Variants in ARHGAP15 observed in about 807,000 individuals in gnomAD.
ARHGAP15 encodes rho GTPase-activating protein 15.
A neutral mutation model predicts 63.7 loss-of-function variants in ARHGAP15; 51 were observed. The ratio of observed to expected loss-of-function variants is 0.80; its 90% confidence interval spans 0.64 to 1.01. ARHGAP15 has a LOEUF of 1.01. Among genes scored for constraint, ARHGAP15 ranks in the 50% least tolerant of loss-of-function variants. The probability of loss-of-function intolerance (pLI) is 0.00; values close to 1 mark genes in which losing one functional copy is unlikely to be tolerated. For synonymous variants in ARHGAP15, 191 were observed against 193.8 expected (o/e 0.99, Z 0.12); for missense variants, 560 against 564.6 (o/e 0.99, Z 0.08).
chr2:143,161,457 C>T (rs1690293011), intron 2 of ARHGAP15, among the ~76,000 whole-genome samples: 1 of 151,812 alleles, frequency 6.6e-6, no homozygotes, highest in African/African-American at 2.4e-5. Context: ...TTTTAAATTG[C>T]TTCTAATCCA....
At chr2:143,139,091 C>T (rs1261255212) in intron 1 of ARHGAP15, among the ~76,000 whole-genome samples, 1 of 151,942 alleles carries the variant, frequency 6.6e-6, no homozygotes, top group Admixed American at 6.6e-5. Context: ...TATCTTTAGC[C>T]TTGGTGTCTC....
chr2:143,576,352 G>T (rs778591029), intron 11 of ARHGAP15, among the ~76,000 whole-genome samples: 1 of 152,080 alleles, frequency 6.6e-6, no homozygotes, highest in Non-Finnish European at 1.5e-5. Flanking sequence ...TGACCAGATG[G>T]TTGTGTTAAG....
At chr2:143,291,903 A>G (rs1682417891) in intron 6 of ARHGAP15, among the ~76,000 whole-genome samples, 1 of 152,164 alleles carries the variant, frequency 6.6e-6, no homozygotes, top group Non-Finnish European at 1.5e-5. Flanking sequence ...CACTGGAGAA[A>G]TTTAATCAAA....
chr2:143,536,357 C>A (rs1320514519), intron 10 of ARHGAP15, among the ~76,000 whole-genome samples: 1 of 152,054 alleles, frequency 6.6e-6, no homozygotes, highest in East Asian at 1.9e-4. Flanking sequence ...CATGTTCATT[C>A]ATGTTGTCAC....
At chr2:143,543,631 AAATG>A (rs1340319476) in intron 10 of ARHGAP15, among the ~76,000 whole-genome samples, 4 of 151,910 alleles carry the variant, frequency 2.6e-5, no homozygotes, top group Non-Finnish European at 5.9e-5. Context: ...GATCAGAAAG[AAATG>A]AGAGATATTA....
intron 6 of ARHGAP15, among the ~76,000 whole-genome samples, chr2:143,384,182 C>A (rs1041583004): frequency 4.0e-5 from 6 of 151,624 alleles, no homozygotes; most frequent in Non-Finnish European, 8.8e-5. Flanking sequence ...AAACGTATGC[C>A]TGTTGATTTT....
chr2:143,541,288 T>A (rs1695038625), intron 10 of ARHGAP15, among the ~76,000 whole-genome samples: 1 of 152,204 alleles, frequency 6.6e-6, no homozygotes, highest in Non-Finnish European at 1.5e-5. Context: ...CTAATTTTTT[T>A]TCAAAGTTTT....
intron 6 of ARHGAP15, among the ~76,000 whole-genome samples, chr2:143,337,649 T>G (rs1035299442): frequency 6.6e-6 from 1 of 152,182 alleles, no homozygotes; most frequent in Non-Finnish European, 1.5e-5. Flanking sequence ...AGTTCTCTTT[T>G]AGGTTTTCGT....
intron 12 of ARHGAP15, among the ~76,000 whole-genome samples, chr2:143,658,659 C>T (rs1192516756): frequency 6.6e-6 from 1 of 152,140 alleles, no homozygotes; most frequent in Non-Finnish European, 1.5e-5. Context: ...TGCTCTGCCA[C>T]CTGTAGAGCT....
At chr2:143,149,620 C>T (rs1052750370) in intron 1 of ARHGAP15, among the ~76,000 whole-genome samples, 2 of 151,902 alleles carry the variant, frequency 1.3e-5, no homozygotes, top group East Asian at 3.9e-4. Flanking sequence ...AATCTCCAAG[C>T]ATACTTTAAT....
chr2:143,577,813 G>T (rs1257638656), intron 11 of ARHGAP15, among the ~76,000 whole-genome samples: 3 of 152,250 alleles, frequency 2.0e-5, no homozygotes, highest in African/African-American at 7.2e-5. Context: ...TTCCCATCCA[G>T]AATTCAGGAA....
chr2:143,437,632 A>G (rs1220674139), intron 8 of ARHGAP15, among the ~76,000 whole-genome samples: 6 of 152,184 alleles, frequency 3.9e-5, no homozygotes, highest in Non-Finnish European at 8.8e-5. Flanking sequence ...ATCTTTCTTA[A>G]CCATTCCCCA....
At chr2:143,574,382 A>G (rs1240817481) in intron 11 of ARHGAP15, among the ~76,000 whole-genome samples, 1 of 152,158 alleles carries the variant, frequency 6.6e-6, no homozygotes, top group Non-Finnish European at 1.5e-5. Context: ...TCAAATGGGT[A>G]GAGAATGTTA....
chr2:143,260,072 G>A (rs1186006927), intron 6 of ARHGAP15, among the ~76,000 whole-genome samples: 1 of 152,068 alleles, frequency 6.6e-6, no homozygotes, highest in Non-Finnish European at 1.5e-5. Flanking sequence ...AAAATGTACA[G>A]AGGTTCATAA....
chr2:143,144,227 C>T (rs1370537361), intron 1 of ARHGAP15, among the ~76,000 whole-genome samples: 5 of 151,900 alleles, frequency 3.3e-5, no homozygotes, highest in Non-Finnish European at 7.4e-5. Flanking sequence ...AATGAATATA[C>T]ACATGCATAA....
At chr2:143,512,137 T>C (rs1693617279) in intron 9 of ARHGAP15, among the ~76,000 whole-genome samples, 1 of 152,194 alleles carries the variant, frequency 6.6e-6, no homozygotes, top group South Asian at 2.1e-4. Flanking sequence ...CAAATATATT[T>C]GTCTTCCATC....
At chr2:143,134,150 T>TCTATCTAC (rs1553437674) in intron 1 of ARHGAP15, among the ~76,000 whole-genome samples, 23 of 26,998 alleles carry the variant, frequency 8.5e-4, no homozygotes, top group African/African-American at 1.6e-3. Context: ...TATCTATCTA[T>TCTATCTAC]CTACCTATCT....
intron 3 of ARHGAP15, among the ~76,000 whole-genome samples, chr2:143,211,408 G>A (rs909596991): frequency 2.6e-5 from 4 of 152,014 alleles, no homozygotes; most frequent in Non-Finnish European, 5.9e-5. Context: ...GTAAAATAAT[G>A]TAACCAAATG....
Position 143,177,055 on chromosome 2 carries a change from G to C in ARHGAP15, c.165+21400G>C, listed in dbSNP as rs571930658. 9.9e-5 allele frequency among the ~76,000 whole-genome samples: 15 copies of C among 152,242 alleles called. No individual in the cohort carries two copies. In the East Asian group the frequency reaches 2.3e-3, roughly 23 times the overall value. ...GGAAGTCTTAAGGAGTCACTTTCTT[G>C]GCAGTTACAGCCCTGCCATATCTAA... On this transcript the variant is annotated intron_variant, in intron 2 of 13. Transcript: ENST00000295095.
Sources: gnomAD v4.1 joint callset for allele counts (sites outside exome capture counted in the v4.1 genomes callset) on GRCh38, gnomAD v4.1.1 for gene constraint, MANE v1.5 for transcripts, NCBI Gene and HGNC (gene_info 2026-07-23, HGNC 2026-07-21) for gene names.